ARHGAP19: variants seen among roughly 807,000 people sequenced by gnomAD.
ARHGAP19 encodes Rho GTPase activating protein 19, also known as rho GTPase-activating protein 19.
Under a neutral mutation model 60.9 loss-of-function variants are expected in ARHGAP19, and 48 were observed. That is an observed-to-expected ratio of 0.79 (90% CI 0.62 to 1.00). The LOEUF is 1.00. Among genes scored for constraint, ARHGAP19 ranks in the 50% least tolerant of loss-of-function variants. ARHGAP19 has a pLI of 0.00. For missense variants in ARHGAP19, 562 were observed against 597.2 expected, an observed-to-expected ratio of 0.94 and a Z score of 0.61; for synonymous variants, 209 against 215.5, an observed-to-expected ratio of 0.97 and a Z score of 0.27.
chr10:97,256,263 C>A, intron 6 of ARHGAP19, 55 bp downstream of exon 6: 2 of 1,355,482 alleles, frequency 1.5e-6, no homozygotes, highest in South Asian at 1.2e-5. Flanking sequence ...CTTAGGATCC[C>A]ACCTTGCTCC....
rs918564780 is a variant in ARHGAP19, at chr10:97,223,534, ACAC to A, written c.*2585_*2587del. ...GGCACAAACACAAGGCCCCAAATTG[ACAC>A]CACATCAAAGCCCATCACAGGTGAC... On this transcript the variant is annotated 3_prime_UTR_variant, in exon 12 of 12. Coordinates refer to ENST00000358531, the MANE Select transcript of ARHGAP19 (RefSeq NM_032900.6). 6.6e-6 allele frequency: 1 copy of A among 152,274 alleles called. No homozygotes were observed. The highest frequency in any genetic ancestry group is 1.5e-5 in the Non-Finnish European group (1 of 68,092). The allele number at this position is 152,274 out of a possible 1,614,324, so 9.4% of individuals were successfully genotyped here.
intron 3 of ARHGAP19, 95 bp downstream of exon 3, chr10:97,264,731 G>A: frequency 2.4e-6 from 2 of 825,358 alleles, no homozygotes; most frequent in South Asian, 1.6e-5. Flanking sequence ...TTTGTTGATG[G>A]TTAATTGGCA....
chr10:97,259,585 T>C lies in ARHGAP19; in HGVS notation c.657A>G (p.Pro219=). 1 of 1,614,184 alleles carries C rather than the reference T, an allele frequency of 6.2e-7. No individual in the cohort carries two copies. Among genetic ancestry groups the C allele is most frequent in the East Asian group, 2.2e-5 (1 of 44,882 alleles). The change falls in exon 5 of 12, where the codon CCA becomes CCG. Residue 219 remains proline, a synonymous_variant. Coordinates refer to ENST00000358531, the MANE Select transcript of ARHGAP19 (RefSeq NM_032900.6). ...GAGCCTCAATTTGCCGGTCCTTGTC[T>C]GGTATATTGGTCTTGTTTCCTTTAT... is the stretch of plus-strand genomic sequence containing the variant. ...FDDKGNKTNI[P]DKDRQIEALQ...
At chr10:97,265,408 A>G (rs1033226822) in intron 2 of ARHGAP19, 2 of 177,654 alleles carry the variant, frequency 1.1e-5, no homozygotes, top group East Asian at 1.7e-4. Flanking sequence ...CTGAAACAGA[A>G]GGAGAGTTTG....
In ARHGAP19 at chr10:97,229,198, T is replaced by C; in HGVS notation, c.1423A>G (p.Met475Val). 2 of 1,614,178 alleles carry C rather than the reference T, an allele frequency of 1.2e-6. No homozygotes were observed. The highest frequency in any genetic ancestry group is 1.7e-6 in the Non-Finnish European group (2 of 1,179,990). ...LLFSGSPAVTMTPTRLKWSEG... is the reference protein window; with the variant it reads ...LLFSGSPAVTVTPTRLKWSEG... ...GACCACTTCAATCTTGTTGGTGTCATCGTGACAGCTGGAGAGCCAGAAAAT... is the reference window on the plus strand; with the variant it reads ...GACCACTTCAATCTTGTTGGTGTCACCGTGACAGCTGGAGAGCCAGAAAAT... The change falls in exon 11 of 12, where the codon ATG (methionine) becomes GTG (valine). Residue 475 changes from methionine (M) to valine (V), a missense_variant. Met to Val is a conservative substitution (Grantham distance 21). Transcript: ENST00000358531.
chr10:97,274,421 C>T (rs112251400), intron 1 of ARHGAP19, among the ~76,000 whole-genome samples: 4 of 151,340 alleles, frequency 2.6e-5, no homozygotes, highest in Admixed American at 2.0e-4. Flanking sequence ...GCTGAGATTG[C>T]GCCACTGTAC....
At chr10:97,281,219 CA>C (rs56674405) in intron 1 of ARHGAP19, among the ~76,000 whole-genome samples, 597 of 131,716 alleles carry the variant, frequency 4.5e-3, no homozygotes, top group African/African-American at 0.012. Context: ...TCTGTCACTA[CA>C]AAAAAAAAAA....
chr10:97,232,064 T>C (rs1851030300), intron 9 of ARHGAP19, among the ~76,000 whole-genome samples: 1 of 151,066 alleles, frequency 6.6e-6, no homozygotes, highest in African/African-American at 2.4e-5. Flanking sequence ...ATTTCCCTAA[T>C]GATTAGTGAT....
intron 1 of ARHGAP19, among the ~76,000 whole-genome samples, chr10:97,280,172 C>T (rs1843065307): frequency 6.6e-6 from 1 of 151,998 alleles, no homozygotes; most frequent in Admixed American, 6.6e-5. Flanking sequence ...TTTAGGAGGC[C>T]GAGGTGGACA....
At chr10:97,266,269 G>T in intron 1 of ARHGAP19, 144 bp from the exon 2 acceptor site, 1 of 877,512 alleles carries the variant, frequency 1.1e-6, no homozygotes, top group Non-Finnish European at 1.7e-6. Flanking sequence ...AGATGCCCTT[G>T]AACACTGTTC....
At chr10:97,254,085 C>T (rs1797195457) in intron 6 of ARHGAP19, among the ~76,000 whole-genome samples, 1 of 152,144 alleles carries the variant, frequency 6.6e-6, no homozygotes, top group South Asian at 2.1e-4. Context: ...GTCAATACTA[C>T]TCGAGGCAAT....
In ARHGAP19 at chr10:97,225,977, T is replaced by A. The variant is rs1850887256; in HGVS notation, c.*145A>T. ...CATCCAGTGAGTGGGGTTAGAGGTA[T>A]CAGTCGGGTCACGGTATTAGTTGGC... On this transcript the variant is annotated 3_prime_UTR_variant, in exon 12 of 12. Coordinates refer to ENST00000358531, the MANE Select transcript of ARHGAP19 (RefSeq NM_032900.6). The A allele has an allele frequency of 3.9e-6, 3 of 763,560 alleles. No individual in the cohort carries two copies. The highest frequency in any genetic ancestry group is 6.5e-6 in the Non-Finnish European group (3 of 463,438). 47.3% of individuals were successfully genotyped at this position (763,560 alleles called of 1,614,324 possible). A position where few individuals can be genotyped will look rare whatever the true frequency, so the allele number is the denominator to read the frequency against.
intron 7 of ARHGAP19, 77 bp from the exon 8 acceptor site, chr10:97,244,236 CA>C (rs1187007562): frequency 2.0e-5 from 25 of 1,237,724 alleles, no homozygotes; most frequent in East Asian, 4.7e-5. Flanking sequence ...AAACCTGGAA[CA>C]AAAAAAGGGA....
intron 6 of ARHGAP19, among the ~76,000 whole-genome samples, chr10:97,253,702 C>G (rs1842719697): frequency 1.3e-5 from 2 of 152,160 alleles, no homozygotes; most frequent in South Asian, 2.1e-4. Context: ...TCTACATACC[C>G]TGACTTGATC....
rs749899616 is a variant in ARHGAP19 at position 97,229,206 on chromosome 10, G to A, written c.1415C>T (p.Ala472Val). 1.2e-6 allele frequency: 2 copies of A among 1,614,054 alleles called. No individual in the cohort carries two copies. The highest frequency in any genetic ancestry group is 2.2e-5 in the South Asian group (2 of 91,084). The change falls in exon 11 of 12, where the codon GCT (alanine) becomes GTT (valine). Residue 472 changes from alanine to valine, a missense_variant. Transcript: ENST00000358531. Reference sequence around the variant, plus strand: ...CAATCTTGTTGGTGTCATCGTGACAGCTGGAGAGCCAGAAAATAACTGTAA... The same window carrying A: ...CAATCTTGTTGGTGTCATCGTGACAACTGGAGAGCCAGAAAATAACTGTAA... The part of the protein sequence containing the change: ...NRNLLFSGSP[A>V]VTMTPTRLKW...
intron 9 of ARHGAP19, 147 bp from the exon 10 acceptor site, chr10:97,230,021 T>C (rs1850978205): frequency 3.3e-6 from 2 of 597,544 alleles, no homozygotes; most frequent in South Asian, 2.5e-5. Context: ...GGCCATCTTA[T>C]ACAAGAGAGG....
intron 1 of ARHGAP19, among the ~76,000 whole-genome samples, chr10:97,267,408 T>G (rs969442254): frequency 6.6e-6 from 1 of 152,210 alleles, no homozygotes; most frequent in Non-Finnish European, 1.5e-5. Context: ...TGTTTGCAGC[T>G]TTTCCACTGC....
At chr10:97,273,962 T>TACAC (rs55827822) in intron 1 of ARHGAP19, among the ~76,000 whole-genome samples, 20 of 149,984 alleles carry the variant, frequency 1.3e-4, no homozygotes, top group South Asian at 6.4e-4. Flanking sequence ...AAGCCACACA[T>TACAC]ACACACACAC....
intron 1 of ARHGAP19, among the ~76,000 whole-genome samples, chr10:97,284,496 G>T (rs963200173): frequency 6.6e-6 from 1 of 151,968 alleles, no homozygotes; most frequent in African/African-American, 2.4e-5. Flanking sequence ...GTGGGGAAGA[G>T]GGGAAAAAAG....
Sources: allele counts gnomAD v4.1 joint callset (sites outside exome capture counted in the v4.1 genomes callset), GRCh38; gene constraint gnomAD v4.1.1; transcripts MANE v1.5; gene names NCBI Gene and HGNC (gene_info 2026-07-23, HGNC 2026-07-21).